Variants in ATAD3A observed in about 807,000 individuals in gnomAD.
ATAD3A encodes ATPase family AAA domain containing 3A, also known as ATPase family AAA domain-containing protein 3A.
ATAD3A carries 46 observed loss-of-function variants against 73.8 expected under a neutral mutation model. The observed-to-expected ratio is 0.62, with a 90% CI of 0.49 to 0.80. The LOEUF (loss-of-function observed/expected upper bound fraction) is 0.80, where lower values mean the gene tolerates loss of function less well. Ranked by LOEUF, ATAD3A falls within the 30% of genes least tolerant of loss-of-function variation. The pLI, the probability that ATAD3A is intolerant of heterozygous loss-of-function variation, is 0.00. For synonymous variants in ATAD3A, 319 were observed against 350.0 expected (o/e 0.91, Z 0.99); for missense variants, 705 against 838.0 (o/e 0.84, Z 1.96).
In ATAD3A at chr1:1,520,597, T is replaced by A. The variant is rs2767468; in HGVS notation, c.730T>A (p.Trp244Arg). The change falls in exon 7 of 16, where the codon TGG becomes AGG. Residue 244 changes from tryptophan (W) to arginine (R), a missense_variant. By Grantham distance (101) the Trp-to-Arg change is moderately radical. Around this residue, in one of 5 missense-constraint regions of ATAD3A, gnomAD observed 315 missense variants for 334.1 expected, o/e 0.94. Transcript: ENST00000378756. The surrounding 1 kb of genome is among the most constrained non-coding windows in gnomAD (Gnocchi z 4.0). ...GEGFRAFVTD[W>R]DKVTATVAGL... ...AGGATTCCGTGCCTTTGTGACAGAC[T>A]GGGACAAAGTGACAGCCACGGTAAA... 2 of 1,610,926 alleles carry A rather than the reference T, an allele frequency of 1.2e-6. No individual in the cohort carries two copies. Among genetic ancestry groups the A allele is most frequent in the Non-Finnish European group, 1.7e-6 (2 of 1,179,170 alleles).
Position 1,520,656 on chromosome 1 carries a change from G to A in ATAD3A, c.750+39G>A. ...TAAAACAGGGCTGGCAGGTGGCTGA[G>A]GGGCAGCATGTGGGGGCCTCCTGGA... is the stretch of plus-strand genomic sequence containing the variant. On this transcript the variant is annotated intron_variant, in intron 7 of 15. Coordinates refer to ENST00000378756, the MANE Select transcript of ATAD3A (RefSeq NM_001170535.3). The surrounding 1 kb of genome is among the most constrained non-coding windows in gnomAD (Gnocchi z 4.0). 6.2e-7 allele frequency: 1 copy of A among 1,613,060 alleles called. No homozygotes were observed. The highest frequency in any genetic ancestry group is 8.5e-7 in the Non-Finnish European group (1 of 1,179,806).
chr1:1,532,634 G>A (rs1347669055), intron 15 of ATAD3A, among the ~76,000 whole-genome samples: 2 of 152,212 alleles, frequency 1.3e-5, no homozygotes, highest in South Asian at 2.1e-4. Flanking sequence ...TCCTGGAGGG[G>A]TGGCCCCGTG....
chr1:1,523,788 G>A lies in ATAD3A; in HGVS notation c.964-51G>A. On this transcript the variant is annotated intron_variant, in intron 9 of 15. Coordinates refer to ENST00000378756, the MANE Select transcript of ATAD3A (RefSeq NM_001170535.3). This position sits in a 1 kb window ranked among gnomAD's most constrained non-coding sequence, Gnocchi z 5.1. ...GCATTCCCGCAGCCCCTTCCCCTGA[G>A]GCTTCCATGGGTGCACAGTGTCTCC... 1 of 1,612,312 alleles carries A rather than the reference G, an allele frequency of 6.2e-7. No individual in the cohort carries two copies. The highest frequency in any genetic ancestry group is 8.5e-7 in the Non-Finnish European group (1 of 1,179,240).
In ATAD3A at chr1:1,516,189, C is replaced by T. The variant is rs1437903898; in HGVS notation, c.282+101C>T. On this transcript the variant is annotated intron_variant, in intron 2 of 15. Coordinates refer to ENST00000378756, the MANE Select transcript of ATAD3A (RefSeq NM_001170535.3). ...CGGTGGGTAGGGCCGGGGGTGTGTA[C>T]ATGGGCAGCAGTGGGGCCCAGGGCC... The T allele has an allele frequency of 5.8e-6, 9 of 1,554,602 alleles. No individual in the cohort carries two copies. In the Admixed American group the frequency reaches 1.1e-4, roughly 19 times the overall value.
intron 15 of ATAD3A, among the ~76,000 whole-genome samples, chr1:1,532,036 C>T (rs1156272714): frequency 1.3e-5 from 2 of 152,132 alleles, no homozygotes; most frequent in Non-Finnish European, 2.9e-5. Context: ...AGTTTCCTTC[C>T]TCCACTCGGC....
Position 1,523,697 on chromosome 1 carries a change from C to CGT in ATAD3A, c.963+132_963+133dup. Reference sequence around the variant, plus strand: ...GGTCCTGAGATGCGACTGCTTGGACCGTGCTGGGGATAGATAGGCTGCCCC... The same window carrying CGT: ...GGTCCTGAGATGCGACTGCTTGGACCGTGTGCTGGGGATAGATAGGCTGCCCC... On this transcript the variant is annotated intron_variant, in intron 9 of 15. Transcript: ENST00000378756. The surrounding 1 kb of genome is among the most constrained non-coding windows in gnomAD (Gnocchi z 5.1). 1.3e-6 allele frequency: 2 copies of CGT among 1,585,136 alleles called. No homozygotes were observed. The highest frequency in any genetic ancestry group is 4.5e-5 in the East Asian group (2 of 44,328).
At chr1:1,524,054 G>A (rs1641711620) in intron 10 of ATAD3A, 90 bp downstream of exon 10, 3 of 1,605,136 alleles carry the variant, frequency 1.9e-6, no homozygotes, top group Non-Finnish European at 2.5e-6. Flanking sequence ...CCTGGGGAAT[G>A]GACCCCCCTT....
At position 1,520,874 on chromosome 1, in the gene ATAD3A, C is replaced by T. The variant is rs1175396707; in HGVS notation, c.750+257C>T. 3.9e-5 allele frequency among the ~76,000 whole-genome samples: 6 copies of T among 152,074 alleles called. No homozygotes were observed. The highest frequency in any genetic ancestry group is 1.2e-4 in the African/African-American group (5 of 41,402). ...ATCAAATATTAGCTGGGTGTGGTGGCAGCCCCTGTGGTCCCACTACTCAAG... is the reference window on the plus strand; with the variant it reads ...ATCAAATATTAGCTGGGTGTGGTGGTAGCCCCTGTGGTCCCACTACTCAAG... On this transcript the variant is annotated intron_variant, in intron 7 of 15. Transcript: ENST00000378756. This position sits in a 1 kb window ranked among gnomAD's most constrained non-coding sequence, Gnocchi z 4.0.
rs780466539 is a variant in ATAD3A, at chr1:1,517,266, G to A, written c.283-45G>A. The A allele has an allele frequency of 4.8e-5, 75 of 1,547,310 alleles. No individual in the cohort carries two copies. The highest frequency in any genetic ancestry group is 3.6e-4 in the Middle Eastern group (2 of 5,632). On this transcript the variant is annotated intron_variant, in intron 2 of 15. Transcript: ENST00000378756. ...GACACAGGAGCGGCTGTCAGGCAGT[G>A]CCAGCCCTGAGCAAGTGCCAGCTGG...
chr1:1,516,479 T>A (rs907705064), intron 2 of ATAD3A, among the ~76,000 whole-genome samples: 2 of 152,176 alleles, frequency 1.3e-5, no homozygotes, highest in African/African-American at 2.4e-5. Flanking sequence ...TGTGGTGCCA[T>A]CTGGGCTCAC....
Position 1,512,288 on chromosome 1 carries a change from T to G in ATAD3A, c.20T>G (p.Ile7Ser). 2 of 1,272,714 alleles carry G rather than the reference T, an allele frequency of 1.6e-6. No homozygotes were observed. The highest frequency in any genetic ancestry group is 6.1e-5 in the East Asian group (2 of 33,054). The allele number at this position is 1,272,714 out of a possible 1,614,324, so 78.8% of individuals were successfully genotyped here. Reference protein sequence around the residue: MSWLFGINKGPKGEGAG... With the variant: MSWLFGSNKGPKGEGAG... ...GCGAGCATGTCGTGGCTCTTCGGCA[T>G]TAACAAGGGCCCCAAGGGTGAAGGC... Residue 7 changes from isoleucine to serine, a missense_variant, in exon 1 of 16, where the codon ATT becomes AGT. By Grantham distance (142) the Ile-to-Ser change is moderately radical. This residue lies in a region of ATAD3A where 125 missense variants were observed against 170.6 expected (regional missense o/e 0.73). Transcript: ENST00000378756.
chr1:1,521,889 C>T (rs1374477963), intron 7 of ATAD3A, among the ~76,000 whole-genome samples: 5 of 151,992 alleles, frequency 3.3e-5, no homozygotes, highest in African/African-American at 7.2e-5. Context: ...CCACCAGGCC[C>T]GGCCAATTTT....
rs1268343922 is a variant in ATAD3A at position 1,520,069 on chromosome 1, C to T, written c.515-72C>T. On this transcript the variant is annotated intron_variant, in intron 5 of 15. Transcript: ENST00000378756. This position sits in a 1 kb window ranked among gnomAD's most constrained non-coding sequence, Gnocchi z 4.0. ...GCGTGGGCCGGTCCGTGGCGTGGGC[C>T]GGTCCACAGTGTGGGTGGAGGTGGA... 3.0e-5 allele frequency: 47 copies of T among 1,552,280 alleles called. No individual in the cohort carries two copies. The highest frequency in any genetic ancestry group is 2.6e-4 in the East Asian group (11 of 42,264).
At position 1,527,393 on chromosome 1, in the gene ATAD3A, C is replaced by T. The variant is rs372038163; in HGVS notation, c.1338-302C>T. Among the ~76,000 whole-genome samples, 10 of 152,322 alleles carry T rather than the reference C, an allele frequency of 6.6e-5. No individual in the cohort carries two copies. In the East Asian group the frequency reaches 7.7e-4, roughly 12 times the overall value. ...ACTTCTCGACATGGACTCCGGGTCCCGAATCCCTGCTCCCAGCACAGCAGG... is the reference window on the plus strand; with the variant it reads ...ACTTCTCGACATGGACTCCGGGTCCTGAATCCCTGCTCCCAGCACAGCAGG... On this transcript the variant is annotated intron_variant, in intron 13 of 15. Coordinates refer to ENST00000378756, the MANE Select transcript of ATAD3A (RefSeq NM_001170535.3).
At position 1,533,830 on chromosome 1, in the gene ATAD3A, C is replaced by T. The variant is rs1374274235; in HGVS notation, c.1615-96C>T. 2.7e-6 allele frequency: 4 copies of T among 1,459,746 alleles called. No homozygotes were observed. In the African/African-American group the frequency reaches 4.4e-5, roughly 16 times the overall value. The allele number at this position is 1,459,746 out of a possible 1,614,324, so 90.4% of individuals were successfully genotyped here. ...TTTCACGCTCAGGCCATCCTGGAGC[C>T]CCTGGTTTGGTCCCTCCCCACCTCG... On this transcript the variant is annotated intron_variant, in intron 15 of 15. Transcript: ENST00000378756.
rs1299735208 is a variant in ATAD3A, at chr1:1,523,642, G to A, written c.963+75G>A. The A allele has an allele frequency of 1.3e-5, 21 of 1,605,258 alleles. No homozygotes were observed. The highest frequency in any genetic ancestry group is 3.3e-5 in the South Asian group (3 of 90,320). The stretch of plus-strand genomic sequence containing the variant: ...GCTGGGCCGGGCTGTGGCCCTTGCT[G>A]GCGCTCGTGGTGGCACCCAGGAGCT... On this transcript the variant is annotated intron_variant, in intron 9 of 15. Transcript: ENST00000378756. This position sits in a 1 kb window ranked among gnomAD's most constrained non-coding sequence, Gnocchi z 5.1.
At chr1:1,526,733 C>T (rs1406323272) in intron 13 of ATAD3A, among the ~76,000 whole-genome samples, 2 of 152,216 alleles carry the variant, frequency 1.3e-5, no homozygotes, top group Admixed American at 6.5e-5. Context: ...GGGGGCCTCC[C>T]GGGCAGAGCT....
chr1:1,519,916 C>T (rs1641520027), intron 5 of ATAD3A, among the ~76,000 whole-genome samples: 1 of 152,212 alleles, frequency 6.6e-6, no homozygotes, highest in South Asian at 2.1e-4. Context: ...TGGCCTTAGC[C>T]TATTGGCGGC....
intron 2 of ATAD3A, among the ~76,000 whole-genome samples, chr1:1,516,312 C>G (rs1641356066): frequency 6.6e-6 from 1 of 151,972 alleles, no homozygotes; most frequent in South Asian, 2.1e-4. Flanking sequence ...GTGAGGGCGT[C>G]TGGTCGTCCG....
Sources: gnomAD v4.1 joint callset for allele counts (sites outside exome capture counted in the v4.1 genomes callset) on GRCh38, gnomAD v4.1.1 for gene constraint, gnomAD v4.1.1 regional missense constraint, Gnocchi (gnomAD v3.1) non-coding constraint, MANE v1.5 for transcripts, NCBI Gene and HGNC (gene_info 2026-07-23, HGNC 2026-07-21) for gene names.